Variants in KCNQ3 observed in about 807,000 individuals in gnomAD.
The protein encoded by KCNQ3 is potassium voltage-gated channel subfamily KQT member 3.
A neutral mutation model predicts 92.5 loss-of-function variants in KCNQ3; 30 were observed. The ratio of observed to expected loss-of-function variants is 0.32; its 90% CI spans 0.24 to 0.44. The LOEUF (loss-of-function observed/expected upper bound fraction) is 0.44. KCNQ3 is among the 20% of genes least tolerant of loss of function. The probability of loss-of-function intolerance (pLI) is 1.00; values close to 1 mark genes in which losing one functional copy is unlikely to be tolerated. For missense variants in KCNQ3, 913 were observed against 1,140.3 expected (o/e 0.80, Z 2.87); for synonymous variants, 450 against 468.8 (o/e 0.96, Z 0.52).
chr8:132,402,366 T>A (rs1820361206), intron 1 of KCNQ3, among the ~76,000 whole-genome samples: 1 of 152,156 alleles, frequency 6.6e-6, no homozygotes, highest in African/African-American at 2.4e-5. Flanking sequence ...TCTAATTCAT[T>A]CTCCCAGTTC....
intron 1 of KCNQ3, among the ~76,000 whole-genome samples, chr8:132,234,425 T>A (rs968746212): frequency 2.8e-5 from 4 of 142,758 alleles, no homozygotes; most frequent in African/African-American, 1.1e-4. Context: ...GGAAATTGGC[T>A]CAGGGAAAGC....
At position 132,418,778 on chromosome 8, in the gene KCNQ3, T is replaced by C. The variant is rs532766561; in HGVS notation, c.386+61369A>G. On this transcript the variant is annotated intron_variant, in intron 1 of 14. Transcript: ENST00000388996. ...TCCAGTTTGGGCAACAGAATGAGAC[T>C]ATGTCTCAAAAAATAAATTAAATAA... Among the ~76,000 whole-genome samples the C allele has an allele frequency of 7.9e-5, 12 of 152,254 alleles. No homozygotes were observed. The East Asian group carries it at 2.3e-3, about 29-fold the overall frequency.
At chr8:132,435,271 C>T (rs995319556) in intron 1 of KCNQ3, among the ~76,000 whole-genome samples, 2 of 152,176 alleles carry the variant, frequency 1.3e-5, no homozygotes, top group African/African-American at 4.8e-5. Flanking sequence ...AATAGATGCT[C>T]AAATATTCTG....
At chr8:132,280,346 T>C (rs1035048753) in intron 1 of KCNQ3, among the ~76,000 whole-genome samples, 1 of 152,176 alleles carries the variant, frequency 6.6e-6, no homozygotes, top group Admixed American at 6.6e-5. Flanking sequence ...GGTGCTGGCA[T>C]CTGCTCAGCT....
intron 1 of KCNQ3, among the ~76,000 whole-genome samples, chr8:132,280,112 G>A (rs973068959): frequency 1.3e-5 from 2 of 152,094 alleles, no homozygotes; most frequent in Non-Finnish European, 2.9e-5. Flanking sequence ...TTTGTTGGGG[G>A]GAAAGACATG....
intron 1 of KCNQ3, among the ~76,000 whole-genome samples, chr8:132,407,164 C>A (rs1200446437): frequency 6.6e-6 from 1 of 152,192 alleles, no homozygotes; most frequent in Non-Finnish European, 1.5e-5. Context: ...GGCAGGAGGG[C>A]AGGGACCCTT....
intron 8 of KCNQ3, among the ~76,000 whole-genome samples, chr8:132,164,555 G>T (rs946177214): frequency 6.6e-6 from 1 of 152,068 alleles, no homozygotes. Flanking sequence ...CCTTGGGCTG[G>T]CCATACATTC....
chr8:132,388,075 C>T (rs184284002), intron 1 of KCNQ3, among the ~76,000 whole-genome samples: 18 of 151,880 alleles, frequency 1.2e-4, no homozygotes, highest in African/African-American at 3.9e-4. Context: ...GAAGAAGAAA[C>T]ATAAAGGGTT....
chr8:132,380,425 T>A (rs977470953), intron 1 of KCNQ3, among the ~76,000 whole-genome samples: 12 of 152,110 alleles, frequency 7.9e-5, no homozygotes, highest in Non-Finnish European at 1.6e-4. Flanking sequence ...CCTTATTGGA[T>A]CAAATTATTC....
intron 1 of KCNQ3, among the ~76,000 whole-genome samples, chr8:132,430,439 G>C (rs1821218323): frequency 6.6e-6 from 1 of 152,220 alleles, no homozygotes; most frequent in Non-Finnish European, 1.5e-5. Flanking sequence ...AGGTCCCTGT[G>C]CCAGCCCTGG....
Position 132,480,608 on chromosome 8 carries a change from G to A in KCNQ3, c.-76C>T, listed in dbSNP as rs759909757. 8.3e-7 allele frequency: 1 copy of A among 1,210,972 alleles called. No homozygotes were observed. The highest frequency in any genetic ancestry group is 1.0e-6 in the Non-Finnish European group (1 of 953,016). The allele number at this position is 1,210,972 out of a possible 1,614,324, so 75.0% of individuals were successfully genotyped here. A position where few individuals can be genotyped will look rare whatever the true frequency, so the allele number is the denominator to read the frequency against. On this transcript the variant is annotated 5_prime_UTR_variant, in exon 1 of 15. Transcript: ENST00000388996. ...GAAGGGGCGCTCGGGGTGCGTGAAC[G>A]AGGCGGCGGCGGCGGCTGCAAGCCC...
At chr8:132,263,263 T>A (rs1815852755) in intron 1 of KCNQ3, among the ~76,000 whole-genome samples, 1 of 152,190 alleles carries the variant, frequency 6.6e-6, no homozygotes, top group Non-Finnish European at 1.5e-5. Flanking sequence ...ACCTATCCAC[T>A]CCTAGGCAGT....
intron 1 of KCNQ3, among the ~76,000 whole-genome samples, chr8:132,203,429 T>C (rs370258834): frequency 8.9e-4 from 136 of 152,288 alleles, no homozygotes; most frequent in African/African-American, 3.2e-3. Context: ...CGACTTCTGG[T>C]TCCTCATCTC....
At position 132,121,331 on chromosome 8, in the gene KCNQ3, C is replaced by T. The variant is rs1824462832; in HGVS notation, c.*7931G>A. 2 of 152,160 alleles carry T rather than the reference C, an allele frequency of 1.3e-5. No individual in the cohort carries two copies. The highest frequency in any genetic ancestry group is 1.3e-4 in the Admixed American group (2 of 15,278). 9.4% of individuals were successfully genotyped at this position (152,160 alleles called of 1,614,324 possible). A position where few individuals can be genotyped will look rare whatever the true frequency, so the allele number is the denominator to read the frequency against. Reference sequence around the variant, plus strand: ...GAAGCAAGGCAGAGATCATTTTTCTCTTTAAAACAAGGAAGGACTGACAAA... The same window carrying T: ...GAAGCAAGGCAGAGATCATTTTTCTTTTTAAAACAAGGAAGGACTGACAAA... On this transcript the variant is annotated 3_prime_UTR_variant, in exon 15 of 15. Transcript: ENST00000388996.
At chr8:132,254,348 A>G (rs929341826) in intron 1 of KCNQ3, among the ~76,000 whole-genome samples, 16 of 152,224 alleles carry the variant, frequency 1.1e-4, no homozygotes, top group Non-Finnish European at 2.9e-5. Flanking sequence ...AAACATTAAC[A>G]ATTTAAAAAT....
intron 1 of KCNQ3, among the ~76,000 whole-genome samples, chr8:132,390,378 C>G (rs1820019991): frequency 6.6e-6 from 1 of 152,112 alleles, no homozygotes; most frequent in Non-Finnish European, 1.5e-5. Flanking sequence ...TGGTCTTGCT[C>G]CTGGTGGTGA....
intron 1 of KCNQ3, among the ~76,000 whole-genome samples, chr8:132,189,888 CAAAA>C (rs776683880): frequency 1.4e-4 from 9 of 64,074 alleles, no homozygotes; most frequent in East Asian, 5.5e-4. Flanking sequence ...TAAAAATGAC[CAAAA>C]AAAAAAAAAA....
chr8:132,158,821 C>A (rs151291261), intron 9 of KCNQ3, among the ~76,000 whole-genome samples: 2 of 152,300 alleles, frequency 1.3e-5, no homozygotes, highest in Non-Finnish European at 1.5e-5. Flanking sequence ...CTATTGGATT[C>A]TTTGATCCAA....
intron 1 of KCNQ3, among the ~76,000 whole-genome samples, chr8:132,446,329 C>A (rs1821675092): frequency 6.6e-6 from 1 of 152,196 alleles, no homozygotes; most frequent in Non-Finnish European, 1.5e-5. Flanking sequence ...TGGCAAACTG[C>A]ATCATGCCAC....
Sources: allele counts gnomAD v4.1 joint callset (sites outside exome capture counted in the v4.1 genomes callset), GRCh38; gene constraint gnomAD v4.1.1; transcripts MANE v1.5; gene names NCBI Gene and HGNC (gene_info 2026-07-23, HGNC 2026-07-21).